Variants in MEIG1 observed in about 807,000 individuals in gnomAD.
MEIG1 encodes meiosis/spermiogenesis associated 1, also known as meiosis expressed gene 1 protein homolog.
In MEIG1, 12 loss-of-function variants were observed where a neutral mutation model predicts 11.3. The ratio of observed to expected loss-of-function variants is 1.07; its 90% confidence interval spans 0.68 to 1.73. The LOEUF (loss-of-function observed/expected upper bound fraction) is 1.73. Ranked by LOEUF, MEIG1 falls within the 40% of genes most tolerant of loss-of-function variation. MEIG1 has a pLI of 0.00. For synonymous variants in MEIG1, 41 were observed against 33.2 expected, an observed-to-expected ratio of 1.24 and a Z score of -0.81; for missense variants, 119 against 104.9, an observed-to-expected ratio of 1.13 and a Z score of -0.59.
chr10:14,956,445 G>T (rs1264417512), upstream of MEIG1, among the ~76,000 whole-genome samples: 1 of 151,922 alleles, frequency 6.6e-6, no homozygotes. Flanking sequence ...AGCCAGGCAT[G>T]GAGTCAGGGG....
At chr10:14,978,033 G>A (rs1843229258) in intron 1 of MEIG1, among the ~76,000 whole-genome samples, 1 of 151,676 alleles carries the variant, frequency 6.6e-6, no homozygotes, top group Non-Finnish European at 1.5e-5. Context: ...TATTCTAGGG[G>A]GGTGTTCCTT....
chr10:14,981,187 TC>T (rs946244738), intron 1 of MEIG1, among the ~76,000 whole-genome samples: 1 of 149,212 alleles, frequency 6.7e-6, no homozygotes, highest in African/African-American at 2.6e-5. Context: ...AGGGTTGTCT[TC>T]CGCCCGTACT....
chr10:14,962,671 A>G (rs1843028026), intron 1 of MEIG1, among the ~76,000 whole-genome samples: 1 of 152,036 alleles, frequency 6.6e-6, no homozygotes, highest in African/African-American at 2.4e-5. Flanking sequence ...TAAGACAAAA[A>G]TTAAGATTGT....
intron 1 of MEIG1, among the ~76,000 whole-genome samples, chr10:14,983,130 T>A (rs1843281899): frequency 6.6e-6 from 1 of 152,120 alleles, no homozygotes; most frequent in Non-Finnish European, 1.5e-5. Context: ...GAGAGCATGA[T>A]ATTACGTTTA....
chr10:14,984,109 A>G (rs1233946640), intron 1 of MEIG1, among the ~76,000 whole-genome samples: 1 of 152,104 alleles, frequency 6.6e-6, no homozygotes, highest in Non-Finnish European at 1.5e-5. Flanking sequence ...CAGAGGCGGA[A>G]AAGATATTAT....
chr10:14,961,638 A>ATTGTTTTTTTTTTT (rs1843013954), intron 1 of MEIG1, among the ~76,000 whole-genome samples: 1 of 76,594 alleles, frequency 1.3e-5, no homozygotes, highest in Non-Finnish European at 2.6e-5. Context: ...CATCCGGCTA[A>ATTGTTTTTTTTTTT]TTTTTTTTTT....
In MEIG1 at chr10:14,959,636, C is replaced by G. The variant is rs1257064706; in HGVS notation, c.-30+79C>G. The G allele has an allele frequency of 1.3e-5, 2 of 152,388 alleles. 1 individual carries two copies. Among genetic ancestry groups the G allele is most frequent in the African/African-American group, 4.8e-5 (2 of 41,488 alleles). 9.4% of individuals were successfully genotyped at this position (152,388 alleles called of 1,614,324 possible). ...CGGCCGTAGCCCCACCCCGGAAGTT[C>G]TTGCCCCGCCTTCTCGGCTCCGCAG... is the stretch of plus-strand genomic sequence containing the variant. On this transcript the variant is annotated intron_variant, in intron 1 of 2. Transcript: ENST00000407572.
intron 1 of MEIG1, among the ~76,000 whole-genome samples, chr10:14,981,567 G>A (rs1353922595): frequency 1.3e-5 from 2 of 152,014 alleles, no homozygotes; most frequent in East Asian, 3.9e-4. Context: ...GTTCAGCACC[G>A]GTATCTACAG....
downstream of MEIG1, among the ~76,000 whole-genome samples, chr10:14,975,605 C>T (rs573364531): frequency 2.6e-5 from 4 of 152,042 alleles, no homozygotes; most frequent in East Asian, 1.9e-4. Flanking sequence ...ATGTGCAGGG[C>T]GGGGGAGGAT....
chr10:14,973,996 A>G (rs1270678553), downstream of MEIG1, among the ~76,000 whole-genome samples: 3 of 152,136 alleles, frequency 2.0e-5, no homozygotes, highest in Admixed American at 6.6e-5. Context: ...GGGAGTATAC[A>G]TATGATAGGC....
rs1292896893 is a variant in MEIG1, at chr10:14,966,513, A to C, written c.45A>C (p.Lys15Asn). The C allele has an allele frequency of 6.2e-7, 1 of 1,612,700 alleles. No individual in the cohort carries two copies. The highest frequency in any genetic ancestry group is 8.5e-7 in the Non-Finnish European group (1 of 1,179,458). Residue 15 changes from lysine to asparagine, a missense_variant, in exon 2 of 3, where the codon AAA becomes AAC. Lys to Asn is a moderately conservative substitution (Grantham distance 94). Transcript: ENST00000407572. ...DVKPKSVSHA[K>N]KWSEEIENLY... is the part of the protein sequence containing the mutation. ...AACCAAAATCAGTAAGTCATGCCAA[A>C]AAATGGTCAGAAGAGATAGAAAATC...
chr10:14,973,536 G>A (rs763566485), downstream of MEIG1, among the ~76,000 whole-genome samples: 3 of 152,112 alleles, frequency 2.0e-5, no homozygotes, highest in South Asian at 2.1e-4. Flanking sequence ...TTGGGAGGCC[G>A]AGGAGGGTGA....
chr10:14,959,126 A>G (rs1187364854), upstream of MEIG1, among the ~76,000 whole-genome samples: 3 of 152,202 alleles, frequency 2.0e-5, no homozygotes, highest in Non-Finnish European at 4.4e-5. Flanking sequence ...CTACAAACAC[A>G]GTCTCCGTGC....
upstream of MEIG1, among the ~76,000 whole-genome samples, chr10:14,954,636 G>C (rs1842888352): frequency 6.6e-6 from 1 of 152,000 alleles, no homozygotes; most frequent in African/African-American, 2.4e-5. Context: ...GCGTGATCTT[G>C]GGGCAAATAA....
chr10:14,964,777 C>T (rs1843060411), intron 1 of MEIG1, among the ~76,000 whole-genome samples: 1 of 120,682 alleles, frequency 8.3e-6, no homozygotes. Flanking sequence ...TGCTACCACG[C>T]CCAGTTCATT....
downstream of MEIG1, among the ~76,000 whole-genome samples, chr10:14,975,632 A>G (rs866414011): frequency 3.9e-5 from 6 of 152,068 alleles, 1 homozygote; most frequent in Middle Eastern, 6.8e-3. Flanking sequence ...CTTCTTAATA[A>G]CGCAGGGTGT....
Position 14,972,674 on chromosome 10 carries a change from T to C in MEIG1, c.*33T>C. 2 of 1,537,804 alleles carry C rather than the reference T, an allele frequency of 1.3e-6. No individual in the cohort carries two copies. The highest frequency in any genetic ancestry group is 1.8e-6 in the Non-Finnish European group (2 of 1,138,288). Reference sequence around the variant, plus strand: ...TCTTTGTATTACTTGTCAATTATATTTTAAGTATTCATCATTTCCTTCTAC... The same window carrying C: ...TCTTTGTATTACTTGTCAATTATATCTTAAGTATTCATCATTTCCTTCTAC... On this transcript the variant is annotated 3_prime_UTR_variant, in exon 3 of 3. Transcript: ENST00000407572.
At chr10:14,963,815 T>A (rs1843044164) in intron 1 of MEIG1, among the ~76,000 whole-genome samples, 1 of 151,966 alleles carries the variant, frequency 6.6e-6, no homozygotes, top group African/African-American at 2.4e-5. Context: ...ATATAAAAAT[T>A]TGGCAAGGCG....
At chr10:14,961,557 G>A (rs1440476413) in intron 1 of MEIG1, among the ~76,000 whole-genome samples, 1 of 151,288 alleles carries the variant, frequency 6.6e-6, no homozygotes, top group Admixed American at 6.6e-5. Context: ...CGCAACCTCC[G>A]TCTCCTGGGT....
Sources: gnomAD v4.1 joint callset for allele counts (sites outside exome capture counted in the v4.1 genomes callset) on GRCh38, gnomAD v4.1.1 for gene constraint, MANE v1.5 for transcripts, NCBI Gene and HGNC (gene_info 2026-07-23, HGNC 2026-07-21) for gene names.